RAB11FIP4: variants seen among roughly 807,000 people sequenced by gnomAD.
The protein encoded by RAB11FIP4 is RAB11 family interacting protein 4, also known as rab11 family-interacting protein 4.
Under a neutral mutation model 74.3 loss-of-function variants are expected in RAB11FIP4, and 23 were observed. That is an observed-to-expected ratio of 0.31 (90% confidence interval 0.22 to 0.44). The LOEUF (loss-of-function observed/expected upper bound fraction) is 0.44, where lower values mean the gene tolerates loss of function less well. Among genes scored for constraint, RAB11FIP4 ranks in the 20% least tolerant of loss-of-function variants. The probability of loss-of-function intolerance (pLI) is 1.00; values close to 1 mark genes in which losing one functional copy is unlikely to be tolerated. For missense variants in RAB11FIP4, 630 were observed against 863.9 expected (o/e 0.73, Z 3.39); for synonymous variants, 360 against 359.9 (o/e 1.00, Z 0.00).
In RAB11FIP4 at chr17:31,447,188, G is replaced by A. The variant is rs183370846; in HGVS notation, c.336+13066G>A. ...AGTCCCAGCTACTCGGGAGGCTGAG[G>A]CAGGAGAATGGCGTGAACCCGGGAG... is the stretch of plus-strand genomic sequence containing the variant. On this transcript the variant is annotated intron_variant, in intron 3 of 14. Coordinates refer to ENST00000621161, the MANE Select transcript of RAB11FIP4 (RefSeq NM_032932.6). 9.1e-3 allele frequency among the ~76,000 whole-genome samples: 1,391 copies of A among 152,372 alleles called. 6 individuals carry two copies. The highest frequency in any genetic ancestry group is 0.014 in the Non-Finnish European group (968 of 68,040).
At chr17:31,407,957 A>AT (rs574661348) in intron 1 of RAB11FIP4, among the ~76,000 whole-genome samples, 6 of 151,776 alleles carry the variant, frequency 4.0e-5, no homozygotes, top group African/African-American at 9.7e-5. Context: ...CCAAATGGTG[A>AT]TTTTTTTCTA....
chr17:31,528,025 G>A (rs936427311), intron 11 of RAB11FIP4, 102 bp downstream of exon 11: 59 of 864,150 alleles, frequency 6.8e-5, no homozygotes, highest in Non-Finnish European at 1.0e-4. Context: ...CCTAAGAAAT[G>A]CAAAAAAAGT....
At chr17:31,398,898 T>C (rs1309743435) in intron 1 of RAB11FIP4, among the ~76,000 whole-genome samples, 1 of 152,124 alleles carries the variant, frequency 6.6e-6, no homozygotes, top group African/African-American at 2.4e-5. Flanking sequence ...GCCACCCCTT[T>C]TTCCTTCAGC....
intron 3 of RAB11FIP4, among the ~76,000 whole-genome samples, chr17:31,475,107 T>G (rs1194369204): frequency 6.6e-6 from 1 of 152,036 alleles, no homozygotes; most frequent in Non-Finnish European, 1.5e-5. Flanking sequence ...TTGAAGGGGA[T>G]GGGGTCCAGG....
intron 3 of RAB11FIP4, among the ~76,000 whole-genome samples, chr17:31,486,637 G>A (rs750811098): frequency 4.6e-4 from 70 of 152,152 alleles, no homozygotes; most frequent in Admixed American, 7.2e-4. Context: ...CTGTGGGAGC[G>A]GACCCAAACA....
At chr17:31,478,237 C>T (rs983356429) in intron 3 of RAB11FIP4, among the ~76,000 whole-genome samples, 2 of 152,190 alleles carry the variant, frequency 1.3e-5, no homozygotes, top group Non-Finnish European at 2.9e-5. Context: ...AAATGATTCA[C>T]CCGCCTTGGT....
chr17:31,469,915 C>T lies in RAB11FIP4; in HGVS notation c.336+35793C>T, dbSNP rs1000323159. On this transcript the variant is annotated intron_variant, in intron 3 of 14. Transcript: ENST00000621161. ...TGAGATGAGTAAGCGGAGACCCAGG[C>T]AAGAGTGGCTTTACCTGAGCTGACA... is the stretch of plus-strand genomic sequence containing the variant. 3.9e-5 allele frequency among the ~76,000 whole-genome samples: 6 copies of T among 152,302 alleles called. No homozygotes were observed. In the Middle Eastern group the frequency reaches 0.01, roughly 259 times the overall value.
At chr17:31,465,511 TAA>T (rs11379284) in intron 3 of RAB11FIP4, 3 of 132,454 alleles carry the variant, frequency 2.3e-5, no homozygotes, top group Non-Finnish European at 3.2e-5. Context: ...GGCACCCTGT[TAA>T]AAAAAAAAAA....
At chr17:31,445,588 T>C (rs1413388665) in intron 3 of RAB11FIP4, among the ~76,000 whole-genome samples, 1 of 81,194 alleles carries the variant, frequency 1.2e-5, no homozygotes, top group African/African-American at 6.3e-5. Flanking sequence ...ATTTTTTTTT[T>C]TTTTTTTTTT....
intron 3 of RAB11FIP4, among the ~76,000 whole-genome samples, chr17:31,486,442 G>C (rs1336309163): frequency 6.6e-6 from 1 of 152,002 alleles, no homozygotes; most frequent in Non-Finnish European, 1.5e-5. Context: ...ATGGGGTCTT[G>C]CTGTGTTGTC....
At chr17:31,507,316 G>A (rs1318743779) in intron 3 of RAB11FIP4, among the ~76,000 whole-genome samples, 1 of 152,150 alleles carries the variant, frequency 6.6e-6, no homozygotes. Flanking sequence ...CATTAACAGT[G>A]TATAAGAGTT....
intron 3 of RAB11FIP4, among the ~76,000 whole-genome samples, chr17:31,486,728 T>A (rs1390747825): frequency 6.6e-6 from 1 of 152,218 alleles, no homozygotes; most frequent in East Asian, 1.9e-4. Flanking sequence ...GCAGTGGAGT[T>A]TCTCTTGGGG....
chr17:31,522,132 C>T (rs1020442078), intron 6 of RAB11FIP4, 83 bp downstream of exon 6: 115 of 1,561,236 alleles, frequency 7.4e-5, no homozygotes, highest in Non-Finnish European at 9.3e-5. Flanking sequence ...CATGGCGAGG[C>T]GACCCCTGCT....
intron 3 of RAB11FIP4, among the ~76,000 whole-genome samples, chr17:31,495,440 T>C (rs2072097997): frequency 6.8e-6 from 1 of 147,148 alleles, no homozygotes; most frequent in Admixed American, 7.0e-5. Context: ...AGCGATACAA[T>C]CTTGGCTCAC....
chr17:31,486,496 C>A (rs1248850758), intron 3 of RAB11FIP4, among the ~76,000 whole-genome samples: 1 of 152,166 alleles, frequency 6.6e-6, no homozygotes, highest in Non-Finnish European at 1.5e-5. Context: ...AAGCTGGCCT[C>A]AAATACCTAG....
intron 3 of RAB11FIP4, among the ~76,000 whole-genome samples, chr17:31,476,104 A>G (rs1365541152): frequency 1.3e-5 from 2 of 148,442 alleles, no homozygotes; most frequent in African/African-American, 5.0e-5. Context: ...ATGGTTCAGT[A>G]TTCACGATTC....
At chr17:31,462,485 C>T (rs1038302242) in intron 3 of RAB11FIP4, among the ~76,000 whole-genome samples, 3 of 152,018 alleles carry the variant, frequency 2.0e-5, no homozygotes, top group Non-Finnish European at 2.9e-5. Context: ...ACAGCCCCAG[C>T]GAGGCACAGG....
chr17:31,478,798 G>A (rs1279770786), intron 3 of RAB11FIP4, among the ~76,000 whole-genome samples: 1 of 152,222 alleles, frequency 6.6e-6, no homozygotes, highest in Non-Finnish European at 1.5e-5. Flanking sequence ...CTGCAGAGGT[G>A]CATGTGGCAA....
At chr17:31,395,604 G>A (rs987771873) in intron 1 of RAB11FIP4, among the ~76,000 whole-genome samples, 1 of 152,098 alleles carries the variant, frequency 6.6e-6, no homozygotes, top group South Asian at 2.1e-4. Context: ...AATCCCATCC[G>A]AGAGGCATTC....
Sources: allele counts gnomAD v4.1 joint callset (sites outside exome capture counted in the v4.1 genomes callset), GRCh38; gene constraint gnomAD v4.1.1; transcripts MANE v1.5; gene names NCBI Gene and HGNC (gene_info 2026-07-23, HGNC 2026-07-21).